Variants in NUSAP1 observed in about 807,000 individuals in gnomAD.
The protein encoded by NUSAP1 is nucleolar and spindle associated protein 1.
Under a neutral mutation model 52.8 loss-of-function variants are expected in NUSAP1, and 32 were observed. The observed-to-expected ratio is 0.61, with a 90% CI of 0.46 to 0.81. NUSAP1 has a LOEUF of 0.81. Among genes scored for constraint, NUSAP1 ranks in the 40% least tolerant of loss-of-function variants. The probability of loss-of-function intolerance (pLI) is 0.00; values close to 1 mark genes in which losing one functional copy is unlikely to be tolerated. For synonymous variants in NUSAP1, 195 were observed against 183.1 expected (o/e 1.06, Z -0.52); for missense variants, 499 against 522.3 (o/e 0.96, Z 0.43).
At chr15:41,352,873 G>A (rs1195408879) in intron 4 of NUSAP1, among the ~76,000 whole-genome samples, 2 of 151,932 alleles carry the variant, frequency 1.3e-5, no homozygotes, top group African/African-American at 4.8e-5. Flanking sequence ...TTTTAATACA[G>A]GCCAGTTTTT....
At chr15:41,336,018 G>A (rs1010676115) in intron 1 of NUSAP1, among the ~76,000 whole-genome samples, 10 of 150,992 alleles carry the variant, frequency 6.6e-5, no homozygotes, top group Admixed American at 2.0e-4. Flanking sequence ...CCCAGCATTT[G>A]GGAGGCCAAG....
At chr15:41,353,464 C>T (rs146650599) in intron 4 of NUSAP1, among the ~76,000 whole-genome samples, 1 of 152,280 alleles carries the variant, frequency 6.6e-6, no homozygotes, top group African/African-American at 2.4e-5. Flanking sequence ...TCTCATGAAA[C>T]TTTCACCTTC....
chr15:41,335,517 TATATACTAA>T (rs1201302796), intron 1 of NUSAP1, among the ~76,000 whole-genome samples: 1 of 138,152 alleles, frequency 7.2e-6, no homozygotes, highest in Non-Finnish European at 1.5e-5. Flanking sequence ...ATAGATATAC[TATATACTAA>T]ATATACTATA....
chr15:41,351,709 C>T (rs551594442), intron 4 of NUSAP1, among the ~76,000 whole-genome samples: 1 of 152,216 alleles, frequency 6.6e-6, no homozygotes, highest in South Asian at 2.1e-4. Flanking sequence ...GTTGCTTGAA[C>T]CCAGGAGGTT....
At chr15:41,370,895 C>T (rs1020488550) in intron 7 of NUSAP1, among the ~76,000 whole-genome samples, 2 of 152,114 alleles carry the variant, frequency 1.3e-5, no homozygotes, top group Non-Finnish European at 2.9e-5. Flanking sequence ...GCATGCCAGC[C>T]TGGGTAATAG....
chr15:41,368,679 T>C, intron 7 of NUSAP1, among the ~76,000 whole-genome samples: 1 of 151,940 alleles, frequency 6.6e-6, no homozygotes, highest in Admixed American at 6.6e-5. Flanking sequence ...ATGACAGCCC[T>C]TCTCCAACAT....
Position 41,375,780 on chromosome 15 carries a change from G to A in NUSAP1, c.1075G>A (p.Asp359Asn). 6.2e-7 allele frequency: 1 copy of A among 1,613,924 alleles called. No individual in the cohort carries two copies. The highest frequency in any genetic ancestry group is 8.5e-7 in the Non-Finnish European group (1 of 1,179,816). The change falls in exon 9 of 11, where the codon GAT (aspartate) becomes AAT (asparagine). Residue 359 changes from aspartate (D) to asparagine (N), a missense_variant. Transcript: ENST00000559596. The part of the protein sequence containing the change: ...TPVSNKKPVF[D>N]LKASLSRPLN... ...AGTCTCCAATAAGAAACCAGTGTTT[G>A]ATCTTAAAGCAAGTTTGTCTCGTCC...
intron 1 of NUSAP1, among the ~76,000 whole-genome samples, chr15:41,336,649 T>TG (rs755637715): frequency 0.25 from 27,304 of 109,174 alleles, 2,368 homozygotes; most frequent in African/African-American, 0.29. Context: ...CTCCTTTTGG[T>TG]TTTTTTTTTT....
chr15:41,335,085 A>G (rs2048068732), intron 1 of NUSAP1, among the ~76,000 whole-genome samples: 1 of 151,810 alleles, frequency 6.6e-6, no homozygotes, highest in South Asian at 2.1e-4. Context: ...ACTTGGTACA[A>G]CCTAAGAGCT....
intron 10 of NUSAP1, 26 bp from the exon 11 acceptor site, chr15:41,380,067 C>T (rs773275827): frequency 2.2e-5 from 33 of 1,531,738 alleles, no homozygotes; most frequent in Non-Finnish European, 2.9e-5. Flanking sequence ...CTCCCTAGAG[C>T]TTAATGTGTG....
chr15:41,377,560 A>C (rs540020488), intron 10 of NUSAP1, among the ~76,000 whole-genome samples: 112 of 150,356 alleles, frequency 7.4e-4, no homozygotes, highest in Admixed American at 2.5e-3. Flanking sequence ...TTAGCTGGGC[A>C]TGGTGGCGGG....
intron 6 of NUSAP1, among the ~76,000 whole-genome samples, chr15:41,363,618 C>G (rs763678648): frequency 7.6e-4 from 115 of 152,264 alleles, no homozygotes; most frequent in South Asian, 1.9e-3. Flanking sequence ...AGCGGTCCCC[C>G]CTCTTCTGCC....
chr15:41,366,500 T>A (rs1273334721), intron 7 of NUSAP1, among the ~76,000 whole-genome samples: 1 of 152,038 alleles, frequency 6.6e-6, no homozygotes, highest in East Asian at 1.9e-4. Flanking sequence ...CAGGCTGGTC[T>A]TGAACTCCTG....
chr15:41,377,653 C>T (rs1300383681), intron 10 of NUSAP1, among the ~76,000 whole-genome samples: 6 of 144,308 alleles, frequency 4.2e-5, no homozygotes, highest in African/African-American at 7.8e-5. Flanking sequence ...GAGCCGAGAT[C>T]GCGCCACTGC....
chr15:41,372,267 G>A (rs1392067808), intron 8 of NUSAP1, among the ~76,000 whole-genome samples: 2 of 152,236 alleles, frequency 1.3e-5, no homozygotes, highest in East Asian at 3.9e-4. Flanking sequence ...TCAGGGATTC[G>A]GAGGATGAGC....
chr15:41,347,896 G>A (rs1037581039), intron 2 of NUSAP1, among the ~76,000 whole-genome samples: 1 of 152,090 alleles, frequency 6.6e-6, no homozygotes, highest in East Asian at 1.9e-4. Context: ...GCCAAGGCAG[G>A]AGGATGACTT....
At chr15:41,367,730 A>G (rs2049478523) in intron 7 of NUSAP1, among the ~76,000 whole-genome samples, 1 of 152,120 alleles carries the variant, frequency 6.6e-6, no homozygotes, top group African/African-American at 2.4e-5. Flanking sequence ...TGCAGTAGCA[A>G]TGGGGGCTGG....
At chr15:41,350,784 C>T (rs1013107079) in intron 3 of NUSAP1, among the ~76,000 whole-genome samples, 3 of 152,276 alleles carry the variant, frequency 2.0e-5, no homozygotes, top group South Asian at 4.1e-4. Flanking sequence ...CTATTTTCCT[C>T]TTAATGTGCC....
intron 7 of NUSAP1, among the ~76,000 whole-genome samples, chr15:41,371,183 A>G (rs1318284572): frequency 3.3e-5 from 5 of 151,754 alleles, no homozygotes; most frequent in African/African-American, 1.2e-4. Flanking sequence ...GACTTCCCCT[A>G]ACCTGGAGGA....
Sources: allele counts gnomAD v4.1 joint callset (sites outside exome capture counted in the v4.1 genomes callset), GRCh38; gene constraint gnomAD v4.1.1; transcripts MANE v1.5; gene names NCBI Gene and HGNC (gene_info 2026-07-23, HGNC 2026-07-21).